MAPK10: variants seen among roughly 807,000 people sequenced by gnomAD.
MAPK10 encodes the protein mitogen-activated protein kinase 10.
A neutral mutation model predicts 59.3 loss-of-function variants in MAPK10; 25 were observed. That is an observed-to-expected ratio of 0.42 (90% CI 0.31 to 0.59). MAPK10 has a LOEUF of 0.59. Among genes scored for constraint, MAPK10 ranks in the 20% least tolerant of loss-of-function variants. MAPK10 has a pLI of 0.15. For missense variants in MAPK10, 351 were observed against 568.9 expected (o/e 0.62, Z 3.90); for synonymous variants, 190 against 200.5 (o/e 0.95, Z 0.44).
intron 1 of MAPK10, among the ~76,000 whole-genome samples, chr4:86,553,934 G>T (rs1490860188): frequency 6.6e-6 from 1 of 150,484 alleles, no homozygotes; most frequent in African/African-American, 2.4e-5. Context: ...AAGAGACAGA[G>T]TCTTATTATG....
chr4:86,223,825 G>A (rs762369162), intron 2 of MAPK10, among the ~76,000 whole-genome samples: 2 of 152,124 alleles, frequency 1.3e-5, no homozygotes, highest in African/African-American at 4.8e-5. Context: ...AATCCCAAGC[G>A]AGTCTCTTTT....
intron 2 of MAPK10, among the ~76,000 whole-genome samples, chr4:86,232,614 C>T (rs1052853208): frequency 2.0e-5 from 3 of 152,122 alleles, no homozygotes; most frequent in African/African-American, 7.2e-5. Context: ...ACCTCGTGAT[C>T]CGCCTGCCTG....
chr4:86,151,007 T>C (rs1467433941), intron 4 of MAPK10, among the ~76,000 whole-genome samples: 1 of 152,026 alleles, frequency 6.6e-6, no homozygotes, highest in Non-Finnish European at 1.5e-5. Flanking sequence ...ATAACTTTTT[T>C]TGTAGATGAG....
chr4:86,407,861 A>C (rs539929489), intron 1 of MAPK10, among the ~76,000 whole-genome samples: 1 of 152,244 alleles, frequency 6.6e-6, no homozygotes, highest in East Asian at 1.9e-4. Flanking sequence ...ATTTTTTAAA[A>C]ATCTGGCCAT....
intron 4 of MAPK10, chr4:86,119,634 T>G (rs1470383104): frequency 6.7e-6 from 1 of 148,214 alleles, no homozygotes; most frequent in Non-Finnish European, 1.5e-5. Flanking sequence ...TATTAATGTA[T>G]CCAAGGGCAA....
At chr4:86,152,859 C>T (rs945502152) in intron 4 of MAPK10, among the ~76,000 whole-genome samples, 1 of 152,176 alleles carries the variant, frequency 6.6e-6, no homozygotes, top group African/African-American at 2.4e-5. Flanking sequence ...TTCCCAGAAT[C>T]TGAGGGACAG....
At chr4:86,176,791 CGTTATCA>C (rs2075782145) in intron 3 of MAPK10, among the ~76,000 whole-genome samples, 1 of 151,908 alleles carries the variant, frequency 6.6e-6, no homozygotes, top group South Asian at 2.1e-4. Flanking sequence ...ACAGGTAGAC[CGTTATCA>C]TGACAGTACA....
intron 4 of MAPK10, among the ~76,000 whole-genome samples, chr4:86,156,808 GA>G (rs1224480984): frequency 6.6e-6 from 1 of 151,948 alleles, no homozygotes; most frequent in East Asian, 1.9e-4. Context: ...AAAATGTTCT[GA>G]ATGAGTTGCT....
rs980747378 is a variant in MAPK10 at position 86,465,530 on chromosome 4, G to A, written c.-262-110886C>T. On this transcript the variant is annotated intron_variant, in intron 1 of 4. Coordinates refer to the MAPK10 transcript ENST00000502302. The stretch of plus-strand genomic sequence containing the variant: ...TAATTTTAAATTTTTTGAGCCTGCC[G>A]AAAGGCAAGATGCTATCAGAAGCTG... 7.2e-5 allele frequency among the ~76,000 whole-genome samples: 11 copies of A among 152,188 alleles called. No homozygotes were observed. The East Asian group carries it at 9.6e-4, about 13-fold the overall frequency.
intron 1 of MAPK10, among the ~76,000 whole-genome samples, chr4:86,389,093 G>A (rs1741867631): frequency 2.6e-5 from 4 of 152,232 alleles, no homozygotes; most frequent in African/African-American, 7.2e-5. Flanking sequence ...TCATGGGGCT[G>A]GATCTCCCGC....
intron 2 of MAPK10, among the ~76,000 whole-genome samples, chr4:86,270,848 T>C (rs1340112471): frequency 1.3e-5 from 2 of 152,154 alleles, no homozygotes; most frequent in Admixed American, 6.6e-5. Flanking sequence ...GCAGATCGCA[T>C]TAATAGTTGA....
At chr4:86,593,767 T>G (rs557214851) in intron 1 of MAPK10, 9 of 152,298 alleles carry the variant, frequency 5.9e-5, no homozygotes, top group Non-Finnish European at 1.0e-4. Flanking sequence ...ATTTCTAAGT[T>G]GCTATATTGC....
intron 3 of MAPK10, among the ~76,000 whole-genome samples, chr4:86,168,228 C>A (rs976080272): frequency 6.6e-6 from 1 of 152,054 alleles, no homozygotes; most frequent in Non-Finnish European, 1.5e-5. Flanking sequence ...GTGGGTGCAA[C>A]GCACCGTGCA....
intron 11 of MAPK10, among the ~76,000 whole-genome samples, chr4:86,033,131 T>C (rs2039442551): frequency 6.6e-6 from 1 of 152,238 alleles, no homozygotes; most frequent in South Asian, 2.1e-4. Context: ...AGAAACATTC[T>C]GACTTAGTGA....
At chr4:86,485,671 G>A (rs1753931734) in intron 1 of MAPK10, among the ~76,000 whole-genome samples, 1 of 152,214 alleles carries the variant, frequency 6.6e-6, no homozygotes, top group Non-Finnish European at 1.5e-5. Flanking sequence ...AGACTGAACT[G>A]TGCCATTGCA....
chr4:86,213,660 C>T (rs759396034), intron 2 of MAPK10, among the ~76,000 whole-genome samples: 10 of 151,960 alleles, frequency 6.6e-5, no homozygotes, highest in Non-Finnish European at 1.3e-4. Context: ...AATACAGACT[C>T]AATTTAAAAA....
At chr4:86,585,667 T>G (rs1762607039) in intron 1 of MAPK10, among the ~76,000 whole-genome samples, 2 of 152,362 alleles carry the variant, frequency 1.3e-5, no homozygotes, top group Non-Finnish European at 2.9e-5. Flanking sequence ...GTTTCAGCTC[T>G]CTAAGACAAA....
chr4:86,145,551 C>T (rs1032351189), intron 4 of MAPK10, among the ~76,000 whole-genome samples: 2 of 152,110 alleles, frequency 1.3e-5, no homozygotes, highest in Non-Finnish European at 2.9e-5. Flanking sequence ...CTGCTTCCTC[C>T]GAAATTGTTC....
intron 4 of MAPK10, among the ~76,000 whole-genome samples, chr4:86,121,344 C>A (rs1325599187): frequency 6.6e-6 from 1 of 152,128 alleles, no homozygotes; most frequent in African/African-American, 2.4e-5. Flanking sequence ...ATAACTAGCT[C>A]TTTGGGGTCT....
Sources: gnomAD v4.1 joint callset for allele counts (sites outside exome capture counted in the v4.1 genomes callset) on GRCh38, gnomAD v4.1.1 for gene constraint, MANE v1.5 for transcripts, NCBI Gene and HGNC (gene_info 2026-07-23, HGNC 2026-07-21) for gene names.